Variants in FBXL17 observed in about 807,000 individuals in gnomAD.
FBXL17 encodes the protein F-box/LRR-repeat protein 17.
A neutral mutation model predicts 66.2 loss-of-function variants in FBXL17; 22 were observed. That is an observed-to-expected ratio of 0.33 (90% CI 0.24 to 0.47). The LOEUF (loss-of-function observed/expected upper bound fraction) is 0.47. Among genes scored for constraint, FBXL17 ranks in the 20% least tolerant of loss-of-function variants. FBXL17 has a pLI of 1.00. For missense variants in FBXL17, 878 were observed against 948.2 expected, an observed-to-expected ratio of 0.93 and a Z score of 0.97; for synonymous variants, 474 against 400.5, an observed-to-expected ratio of 1.18 and a Z score of -2.19.
chr5:107,878,092 A>G (rs901718373), intron 8 of FBXL17: 2 of 260,178 alleles, frequency 7.7e-6, no homozygotes, highest in African/African-American at 4.6e-5. Context: ...ACCAAATACT[A>G]AGTGTCCTAC....
intron 6 of FBXL17, among the ~76,000 whole-genome samples, chr5:108,142,855 G>A (rs189915039): frequency 2.4e-4 from 36 of 152,022 alleles, no homozygotes; most frequent in African/African-American, 8.4e-4. Context: ...TACAGTGGAC[G>A]GATAGCATTA....
chr5:108,290,589 T>C (rs896146736), intron 4 of FBXL17, among the ~76,000 whole-genome samples: 2 of 151,818 alleles, frequency 1.3e-5, no homozygotes, highest in Non-Finnish European at 2.9e-5. Flanking sequence ...TTGAACTTAA[T>C]GGATTAATTT....
intron 7 of FBXL17, among the ~76,000 whole-genome samples, chr5:107,979,224 G>A (rs926515965): frequency 1.3e-5 from 2 of 152,104 alleles, no homozygotes; most frequent in South Asian, 2.1e-4. Context: ...ATGTAATACT[G>A]AAACAATTCC....
intron 7 of FBXL17, among the ~76,000 whole-genome samples, chr5:107,911,428 A>C (rs907696055): frequency 3.3e-5 from 5 of 152,152 alleles, no homozygotes; most frequent in African/African-American, 1.2e-4. Flanking sequence ...CTAGAGGAGA[A>C]TATCTGACTT....
rs192819863 is a variant in FBXL17 at position 107,940,209 on chromosome 5, C to T, written c.1823-59030G>A. Among the ~76,000 whole-genome samples, 290 of 152,168 alleles carry T rather than the reference C, an allele frequency of 1.9e-3. 3 individuals carry two copies. The highest frequency in any genetic ancestry group is 6.4e-3 in the African/African-American group (267 of 41,528). On this transcript the variant is annotated intron_variant, in intron 7 of 8. Coordinates refer to ENST00000542267, the MANE Select transcript of FBXL17 (RefSeq NM_001163315.3). ...GAAGTCTGACTCCGGAACCTACCTA[C>T]GGCTACATATAATGCATTTTTAGAA...
At chr5:108,239,217 T>TA in intron 4 of FBXL17, among the ~76,000 whole-genome samples, 1 of 152,146 alleles carries the variant, frequency 6.6e-6, no homozygotes, top group East Asian at 1.9e-4. Context: ...ACTATCCACA[T>TA]AAAAAAGCAC....
At position 107,860,418 on chromosome 5, in the gene FBXL17, G is replaced by C. The variant is rs1348305014; in HGVS notation, c.*1302C>G. On this transcript the variant is annotated 3_prime_UTR_variant, in exon 9 of 9. Coordinates refer to ENST00000542267, the MANE Select transcript of FBXL17 (RefSeq NM_001163315.3). ...AATCTAGACACAGGAACAGTTATTT[G>C]AGCCTGAGTCCCTATTATGAATTAA... is the stretch of plus-strand genomic sequence containing the variant. 4 of 152,576 alleles carry C rather than the reference G, an allele frequency of 2.6e-5. No individual in the cohort carries two copies. Among genetic ancestry groups the C allele is most frequent in the Non-Finnish European group, 5.9e-5 (4 of 68,002 alleles). The allele number at this position is 152,576 out of a possible 1,614,324, so 9.5% of individuals were successfully genotyped here. A position where few individuals can be genotyped will look rare whatever the true frequency, so the allele number is the denominator to read the frequency against.
rs919717802 is a variant in FBXL17 at position 108,381,356 on chromosome 5, G to A, written c.336C>T (p.Cys112=). 6.6e-5 allele frequency: 89 copies of A among 1,348,082 alleles called. No homozygotes were observed. In the East Asian group the frequency reaches 1.6e-3, roughly 24 times the overall value. 83.5% of individuals were successfully genotyped at this position (1,348,082 alleles called of 1,614,324 possible). A position where few individuals can be genotyped will look rare whatever the true frequency, so the allele number is the denominator to read the frequency against. ...RRYAALAAED[C]AAAARRFLLS... Reference sequence around the variant, plus strand: ...GCAGGAAGCGGCGGGCAGCAGCGGCGCAGTCCTCGGCGGCCAGGGCCGCGT... The same window carrying A: ...GCAGGAAGCGGCGGGCAGCAGCGGCACAGTCCTCGGCGGCCAGGGCCGCGT... The change falls in exon 1 of 9, where the codon TGC becomes TGT. Residue 112 remains cysteine, a synonymous_variant. Coordinates refer to ENST00000542267, the MANE Select transcript of FBXL17 (RefSeq NM_001163315.3).
chr5:107,904,440 T>C (rs1177985556), intron 7 of FBXL17, among the ~76,000 whole-genome samples: 1 of 152,192 alleles, frequency 6.6e-6, no homozygotes, highest in African/African-American at 2.4e-5. Flanking sequence ...AACTGGTTTC[T>C]TGACTCCAGT....
At chr5:108,365,131 G>A (rs974406393) in intron 2 of FBXL17, 136 bp from the exon 3 acceptor site, 89 of 615,518 alleles carry the variant, frequency 1.4e-4, no homozygotes, top group Admixed American at 9.3e-5. Flanking sequence ...AAGAGAAACC[G>A]TCTTAACATT....
chr5:108,199,376 A>C (rs1436941104), intron 5 of FBXL17, among the ~76,000 whole-genome samples: 1 of 152,200 alleles, frequency 6.6e-6, no homozygotes. Flanking sequence ...ATTTTTCTTT[A>C]CATTTGCTTC....
intron 4 of FBXL17, among the ~76,000 whole-genome samples, chr5:108,305,340 A>G (rs937222888): frequency 2.6e-5 from 4 of 152,044 alleles, no homozygotes; most frequent in African/African-American, 9.7e-5. Flanking sequence ...TGGTAGGGAA[A>G]GCATCAGGGA....
At chr5:108,221,667 G>A (rs562641104) in intron 5 of FBXL17, among the ~76,000 whole-genome samples, 9 of 152,200 alleles carry the variant, frequency 5.9e-5, no homozygotes, top group African/African-American at 1.7e-4. Flanking sequence ...GTACTATGAT[G>A]ATAAGGAAAA....
Position 107,904,760 on chromosome 5 carries a change from A to G in FBXL17, c.1823-23581T>C, listed in dbSNP as rs572935823. Among the ~76,000 whole-genome samples the G allele has an allele frequency of 2.6e-5, 4 of 152,216 alleles. No homozygotes were observed. The South Asian group carries it at 8.3e-4, about 31-fold the overall frequency. On this transcript the variant is annotated intron_variant, in intron 7 of 8. Transcript: ENST00000542267. ...TATTTTGCTTAAATAAATTTGCTAA[A>G]GGACCAAATGTGTAAAATAATATCC...
intron 6 of FBXL17, among the ~76,000 whole-genome samples, chr5:108,075,635 C>T (rs991402936): frequency 2.0e-5 from 3 of 152,200 alleles, no homozygotes; most frequent in South Asian, 2.1e-4. Flanking sequence ...GCCACTACGC[C>T]CAGCAAATTT....
intron 7 of FBXL17, among the ~76,000 whole-genome samples, chr5:107,884,763 A>G (rs1748907586): frequency 6.6e-6 from 1 of 152,164 alleles, no homozygotes; most frequent in Non-Finnish European, 1.5e-5. Context: ...TACCTGGACA[A>G]TGGGGAGGTT....
intron 4 of FBXL17, among the ~76,000 whole-genome samples, chr5:108,276,931 A>G (rs1561502393): frequency 6.6e-6 from 1 of 152,190 alleles, no homozygotes; most frequent in East Asian, 1.9e-4. Context: ...TCTCTAGGCA[A>G]TTAGAGGACT....
intron 6 of FBXL17, among the ~76,000 whole-genome samples, chr5:108,068,884 C>A (rs1748222888): frequency 6.6e-6 from 1 of 152,040 alleles, no homozygotes. Context: ...CAGTTTAAAA[C>A]AAAAATGAAG....
chr5:108,275,688 A>G (rs1034958247), intron 4 of FBXL17, among the ~76,000 whole-genome samples: 6 of 152,194 alleles, frequency 3.9e-5, no homozygotes, highest in Non-Finnish European at 7.4e-5. Flanking sequence ...AATTTTGCAG[A>G]TAGGGAAATG....
Sources: allele counts gnomAD v4.1 joint callset (sites outside exome capture counted in the v4.1 genomes callset), GRCh38; gene constraint gnomAD v4.1.1; transcripts MANE v1.5; gene names NCBI Gene and HGNC (gene_info 2026-07-23, HGNC 2026-07-21).